Variants in RPS6KC1 observed in about 807,000 individuals in gnomAD.
RPS6KC1 encodes inactive ribosomal protein S6 kinase delta-1.
Under a neutral mutation model 103.8 loss-of-function variants are expected in RPS6KC1, and 54 were observed. That is an observed-to-expected ratio of 0.52 (90% CI 0.42 to 0.65). The LOEUF (loss-of-function observed/expected upper bound fraction) is 0.65, where lower values mean the gene tolerates loss of function less well. Ranked by LOEUF, RPS6KC1 falls within the 30% of genes least tolerant of loss-of-function variation. The pLI is 0.00. For missense variants in RPS6KC1, 1,151 were observed against 1,253.8 expected, an observed-to-expected ratio of 0.92 and a Z score of 1.24; for synonymous variants, 439 against 438.7, an observed-to-expected ratio of 1.00 and a Z score of -0.01.
chr1:213,702,403 A>G, the RPS6KC1 span, among the ~76,000 whole-genome samples: 1 of 152,034 alleles, frequency 6.6e-6, no homozygotes, highest in Non-Finnish European at 1.5e-5. Context: ...CTGTTGGATG[A>G]AATATTCTGT....
the RPS6KC1 span, among the ~76,000 whole-genome samples, chr1:213,329,958 G>A: frequency 6.6e-6 from 1 of 152,164 alleles, no homozygotes; most frequent in African/African-American, 2.4e-5. Context: ...CCTGAAGTGA[G>A]AAGGGTTCAA....
chr1:213,219,762 A>G (rs923558545), intron 8 of RPS6KC1, among the ~76,000 whole-genome samples: 3 of 151,854 alleles, frequency 2.0e-5, no homozygotes, highest in African/African-American at 7.3e-5. Context: ...TGCAACGACA[A>G]AAACCAAACA....
At chr1:213,681,166 TC>T in the RPS6KC1 span, among the ~76,000 whole-genome samples, 15 of 152,184 alleles carry the variant, frequency 9.9e-5, no homozygotes, top group Non-Finnish European at 1.5e-4. Context: ...TAGCTCTCAC[TC>T]CCTAGGAGCC....
At chr1:213,217,974 A>G (rs1182233029) in intron 8 of RPS6KC1, among the ~76,000 whole-genome samples, 2 of 152,034 alleles carry the variant, frequency 1.3e-5, no homozygotes, top group African/African-American at 4.8e-5. Context: ...AGACAGGGAT[A>G]CCCTCTCTCA....
At chr1:213,553,893 G>C in the RPS6KC1 span, among the ~76,000 whole-genome samples, 2 of 151,934 alleles carry the variant, frequency 1.3e-5, no homozygotes, top group African/African-American at 4.8e-5. Context: ...TTTTTTGCTT[G>C]TTGATTTAAA....
chr1:213,834,667 G>A, the RPS6KC1 span, among the ~76,000 whole-genome samples: 1 of 151,712 alleles, frequency 6.6e-6, no homozygotes, highest in Non-Finnish European at 1.5e-5. Flanking sequence ...TTCTAATGGG[G>A]TCACCTCCAT....
At chr1:213,317,544 C>T in the RPS6KC1 span, among the ~76,000 whole-genome samples, 1 of 152,288 alleles carries the variant, frequency 6.6e-6, no homozygotes, top group Non-Finnish European at 1.5e-5. Context: ...TCATCACTTC[C>T]ATAAAGACCC....
the RPS6KC1 span, among the ~76,000 whole-genome samples, chr1:213,594,712 A>T: frequency 6.6e-6 from 1 of 152,224 alleles, no homozygotes; most frequent in African/African-American, 2.4e-5. Flanking sequence ...GTATCTACAC[A>T]TGTAATCTTC....
the RPS6KC1 span, among the ~76,000 whole-genome samples, chr1:213,576,371 GTT>G: frequency 6.4e-5 from 9 of 140,094 alleles, no homozygotes; most frequent in Non-Finnish European, 9.3e-5. Flanking sequence ...GATACTGTGG[GTT>G]TTTTTTTTTT....
the RPS6KC1 span, among the ~76,000 whole-genome samples, chr1:213,401,091 A>G: frequency 2.6e-5 from 4 of 152,166 alleles, no homozygotes; most frequent in Admixed American, 1.3e-4. Flanking sequence ...GGTTGGGTCC[A>G]GGGCCATGCT....
the RPS6KC1 span, among the ~76,000 whole-genome samples, chr1:213,422,781 C>T: frequency 6.6e-6 from 1 of 152,198 alleles, no homozygotes; most frequent in East Asian, 1.9e-4. Context: ...CTGTCCAACA[C>T]ATTGTTTGTA....
chr1:213,304,408 A>G, the RPS6KC1 span, among the ~76,000 whole-genome samples: 2 of 152,158 alleles, frequency 1.3e-5, no homozygotes, highest in Admixed American at 1.3e-4. Context: ...AAGAAGAAAC[A>G]AAGGCACCAT....
the RPS6KC1 span, among the ~76,000 whole-genome samples, chr1:213,497,711 T>G: frequency 6.6e-6 from 1 of 152,182 alleles, no homozygotes; most frequent in South Asian, 2.1e-4. Context: ...GAATTAATTT[T>G]AAACAAATAA....
the RPS6KC1 span, among the ~76,000 whole-genome samples, chr1:213,321,457 G>A: frequency 1.3e-5 from 2 of 152,274 alleles, no homozygotes; most frequent in Non-Finnish European, 2.9e-5. Flanking sequence ...TGTAACCATG[G>A]TTGGCATGAT....
At chr1:213,184,802 C>T (rs530889026) in intron 8 of RPS6KC1, among the ~76,000 whole-genome samples, 3 of 152,014 alleles carry the variant, frequency 2.0e-5, no homozygotes, top group East Asian at 1.9e-4. Context: ...GTATTTCTGA[C>T]GTTCCTCTTG....
chr1:213,712,252 G>T, the RPS6KC1 span, among the ~76,000 whole-genome samples: 56 of 152,278 alleles, frequency 3.7e-4, no homozygotes, highest in African/African-American at 1.3e-3. Context: ...GGCTACAGTG[G>T]CTTTGGGGTG....
the RPS6KC1 span, among the ~76,000 whole-genome samples, chr1:213,489,069 T>G: frequency 6.6e-6 from 1 of 152,130 alleles, no homozygotes; most frequent in Non-Finnish European, 1.5e-5. Context: ...CTTTTAGGGA[T>G]CCTGAGCTCT....
At chr1:213,817,637 T>A in the RPS6KC1 span, 2 of 152,210 alleles carry the variant, frequency 1.3e-5, no homozygotes, top group Non-Finnish European at 1.5e-5. Flanking sequence ...GAATGTAGCA[T>A]AGAGGATAGG....
chr1:213,813,061 G>A, the RPS6KC1 span, among the ~76,000 whole-genome samples: 2 of 152,050 alleles, frequency 1.3e-5, no homozygotes, highest in Non-Finnish European at 2.9e-5. Flanking sequence ...GACCTTCCTG[G>A]CCAACATGGT....
Sources: allele counts gnomAD v4.1 joint callset (sites outside exome capture counted in the v4.1 genomes callset), GRCh38; gene constraint gnomAD v4.1.1; transcripts MANE v1.5; gene names NCBI Gene and HGNC (gene_info 2026-07-23, HGNC 2026-07-21).